PTPRD: variants seen among roughly 807,000 people sequenced by gnomAD.
PTPRD encodes receptor-type tyrosine-protein phosphatase delta.
Under a neutral mutation model 214.5 loss-of-function variants are expected in PTPRD, and 34 were observed. That is an observed-to-expected ratio of 0.16 (90% confidence interval 0.12 to 0.21). PTPRD has a LOEUF of 0.21. Among genes scored for constraint, PTPRD ranks in the 10% least tolerant of loss-of-function variants. PTPRD has a pLI of 1.00. For missense variants in PTPRD, 2,545 were observed against 2,398.7 expected, an observed-to-expected ratio of 1.06 and a Z score of -1.27; for synonymous variants, 1,128 against 845.7, an observed-to-expected ratio of 1.33 and a Z score of -5.79.
At chr9:9,921,670 C>A (rs560015365) in intron 5 of PTPRD, among the ~76,000 whole-genome samples, 9 of 146,008 alleles carry the variant, frequency 6.2e-5, no homozygotes, top group African/African-American at 1.0e-4. Context: ...GATGAATTAA[C>A]AGTAGGTATC....
Position 8,733,953 on chromosome 9 carries a change from G to C in PTPRD, c.-103-7C>G, listed in dbSNP as rs991189403. The C allele has an allele frequency of 1.8e-6, 2 of 1,098,664 alleles. No homozygotes were observed. Among genetic ancestry groups the C allele is most frequent in the African/African-American group, 3.1e-5 (2 of 64,354 alleles). The allele number at this position is 1,098,664 out of a possible 1,614,324, so 68.1% of individuals were successfully genotyped here. The stretch of plus-strand genomic sequence containing the variant: ...GCTGGAACACTTTCAGAGCCTGAAA[G>C]CGGGGAGGAAGAGAAAAGAAAAGGA... On this transcript the variant is annotated splice_polypyrimidine_tract_variant and splice_region_variant and intron_variant, in intron 11 of 45. Transcript: ENST00000381196.
At chr9:10,007,703 T>A (rs2096514393) in intron 4 of PTPRD, among the ~76,000 whole-genome samples, 1 of 152,124 alleles carries the variant, frequency 6.6e-6, no homozygotes, top group Admixed American at 6.6e-5. Flanking sequence ...ACATGAGGAA[T>A]GTTTTGGCTA....
intron 39 of PTPRD, among the ~76,000 whole-genome samples, chr9:8,366,456 C>T (rs749199754): frequency 3.9e-5 from 6 of 152,046 alleles, no homozygotes; most frequent in Non-Finnish European, 8.8e-5. Flanking sequence ...AGCAAGACTG[C>T]TCATGTCCCT....
Position 10,611,913 on chromosome 9 carries a change from C to A in PTPRD, c.-600+485G>T, listed in dbSNP as rs566614201. On this transcript the variant is annotated intron_variant, in intron 2 of 45. Coordinates refer to ENST00000381196, the MANE Select transcript of PTPRD (RefSeq NM_002839.4). The stretch of plus-strand genomic sequence containing the variant: ...TTAACTTTCCCTTTTCCGCCCCCCC[C>A]CCCTTTTTTTTTCTAGAGCTTTTCA... 2.7e-5 allele frequency among the ~76,000 whole-genome samples: 4 copies of A among 150,924 alleles called. No individual in the cohort carries two copies. In the East Asian group the frequency reaches 7.9e-4, roughly 30 times the overall value.
chr9:8,721,839 A>T (rs1231829633), intron 12 of PTPRD, among the ~76,000 whole-genome samples: 1 of 152,224 alleles, frequency 6.6e-6, no homozygotes, highest in Non-Finnish European at 1.5e-5. Context: ...CATATTTCTA[A>T]CAAAATTTCT....
intron 11 of PTPRD, among the ~76,000 whole-genome samples, chr9:8,761,298 C>A: frequency 6.6e-6 from 1 of 152,056 alleles, no homozygotes. Flanking sequence ...CTAGGACACT[C>A]TAGCAGAAGA....
At chr9:8,683,452 T>C (rs532321182) in intron 12 of PTPRD, among the ~76,000 whole-genome samples, 1 of 152,060 alleles carries the variant, frequency 6.6e-6, no homozygotes, top group African/African-American at 2.4e-5. Context: ...AGGACATCAG[T>C]TGTTTGCAAA....
intron 10 of PTPRD, among the ~76,000 whole-genome samples, chr9:9,088,602 AAAAAAAAG>A (rs2099771025): frequency 1.3e-5 from 2 of 149,578 alleles, no homozygotes; most frequent in Admixed American, 1.3e-4. Flanking sequence ...AAAAAAAAAA[AAAAAAAAG>A]AAGTCTGGCT....
At chr9:8,376,386 A>C (rs145801012) in intron 38 of PTPRD, among the ~76,000 whole-genome samples, 12 of 152,220 alleles carry the variant, frequency 7.9e-5, no homozygotes, top group Non-Finnish European at 1.3e-4. Flanking sequence ...TCTACTCTTC[A>C]TTGGCTGAAA....
At chr9:9,716,367 C>G (rs1483833765) in intron 7 of PTPRD, among the ~76,000 whole-genome samples, 1 of 151,260 alleles carries the variant, frequency 6.6e-6, no homozygotes, top group Admixed American at 6.6e-5. Flanking sequence ...GGGTATATAC[C>G]CAGTAATGGG....
chr9:9,405,555 A>G lies in PTPRD; in HGVS notation c.-236-8073T>C, dbSNP rs545164936. Among the ~76,000 whole-genome samples, 29 of 152,176 alleles carry G rather than the reference A, an allele frequency of 1.9e-4. No individual in the cohort carries two copies. The South Asian group carries it at 5.8e-3, about 30-fold the overall frequency. On this transcript the variant is annotated intron_variant, in intron 8 of 45. Transcript: ENST00000381196. Reference sequence around the variant, plus strand: ...TGCTTTATAACATTAGCCTGGGTAAATCTACTTCAGTTTCAATTAATAAAA... The same window carrying G: ...TGCTTTATAACATTAGCCTGGGTAAGTCTACTTCAGTTTCAATTAATAAAA...
At chr9:8,807,224 C>G (rs542187136) in intron 11 of PTPRD, among the ~76,000 whole-genome samples, 1 of 152,162 alleles carries the variant, frequency 6.6e-6, no homozygotes, top group East Asian at 1.9e-4. Flanking sequence ...GTAATCCCAG[C>G]TACTTGTGAG....
intron 9 of PTPRD, among the ~76,000 whole-genome samples, chr9:9,253,697 C>T (rs1343994252): frequency 1.3e-5 from 2 of 152,066 alleles, no homozygotes; most frequent in South Asian, 2.1e-4. Flanking sequence ...TTTTCGTAGT[C>T]CTCTTTCCTT....
chr9:9,396,050 C>A (rs922855312), intron 9 of PTPRD, among the ~76,000 whole-genome samples: 1 of 151,870 alleles, frequency 6.6e-6, no homozygotes, highest in East Asian at 1.9e-4. Flanking sequence ...TACAGTTTAC[C>A]CTGGAATAAT....
chr9:10,322,851 G>T (rs1454690606), intron 3 of PTPRD, among the ~76,000 whole-genome samples: 1 of 151,966 alleles, frequency 6.6e-6, no homozygotes, highest in Non-Finnish European at 1.5e-5. Context: ...ATCAGGGAGG[G>T]ACTCCTCATC....
At chr9:10,447,486 T>C (rs2098808098) in intron 2 of PTPRD, among the ~76,000 whole-genome samples, 1 of 152,044 alleles carries the variant, frequency 6.6e-6, no homozygotes, top group Admixed American at 6.5e-5. Flanking sequence ...CCATCAGATG[T>C]GGTTTTGCCA....
chr9:9,575,717 C>CAAAAAAAAGAAAAAA (rs2088325347), intron 7 of PTPRD, among the ~76,000 whole-genome samples: 1 of 33,312 alleles, frequency 3.0e-5, no homozygotes, highest in African/African-American at 1.1e-4. Flanking sequence ...AAGACTGTCT[C>CAAAAAAAAGAAAAAA]AAAAAAAAAA....
At chr9:8,573,548 T>A (rs1298866033) in intron 14 of PTPRD, among the ~76,000 whole-genome samples, 1 of 151,968 alleles carries the variant, frequency 6.6e-6, no homozygotes, top group East Asian at 1.9e-4. Flanking sequence ...TAAAACTGGC[T>A]TAAAGCCAGA....
chr9:8,848,700 T>C (rs2097756562), intron 11 of PTPRD, among the ~76,000 whole-genome samples: 1 of 152,058 alleles, frequency 6.6e-6, no homozygotes, highest in African/African-American at 2.4e-5. Flanking sequence ...TAAAATCATG[T>C]CATATACAAG....
Sources: gnomAD v4.1 joint callset for allele counts (sites outside exome capture counted in the v4.1 genomes callset) on GRCh38, gnomAD v4.1.1 for gene constraint, MANE v1.5 for transcripts, NCBI Gene and HGNC (gene_info 2026-07-23, HGNC 2026-07-21) for gene names.